Variants in KSR2 observed in about 807,000 individuals in gnomAD.
KSR2 encodes the protein kinase suppressor of ras 2.
KSR2 carries 25 observed loss-of-function variants against 107.8 expected under a neutral mutation model. The ratio of observed to expected loss-of-function variants is 0.23; its 90% confidence interval spans 0.17 to 0.32. KSR2 has a LOEUF of 0.32. KSR2 is among the 10% of genes least tolerant of loss of function. The probability of loss-of-function intolerance (pLI) is 1.00; values close to 1 mark genes in which losing one functional copy is unlikely to be tolerated. For synonymous variants in KSR2, 480 were observed against 507.0 expected (o/e 0.95, Z 0.71); for missense variants, 887 against 1,268.9 (o/e 0.70, Z 4.57).
chr12:117,618,983 G>A (rs1882025592), intron 5 of KSR2, among the ~76,000 whole-genome samples: 1 of 152,052 alleles, frequency 6.6e-6, no homozygotes, highest in Non-Finnish European at 1.5e-5. Context: ...TTGGTAGGAG[G>A]ATTGGTCTAC....
At chr12:117,562,677 G>A (rs1357761626) in intron 7 of KSR2, among the ~76,000 whole-genome samples, 1 of 152,088 alleles carries the variant, frequency 6.6e-6, no homozygotes, top group East Asian at 1.9e-4. Flanking sequence ...ACCTTGGCCT[G>A]TTTCCTGCTC....
At chr12:117,717,545 A>G (rs1887032389) in intron 4 of KSR2, among the ~76,000 whole-genome samples, 1 of 152,160 alleles carries the variant, frequency 6.6e-6, no homozygotes, top group Admixed American at 6.5e-5. Context: ...AATTAAAAAA[A>G]GAGGGCCCTA....
At chr12:117,758,151 G>T (rs1038977727) in intron 4 of KSR2, among the ~76,000 whole-genome samples, 1 of 152,100 alleles carries the variant, frequency 6.6e-6, no homozygotes. Flanking sequence ...GATTCAGAGA[G>T]GTTAAATCCA....
At chr12:117,678,584 C>T (rs1273461251) in intron 4 of KSR2, among the ~76,000 whole-genome samples, 3 of 152,186 alleles carry the variant, frequency 2.0e-5, no homozygotes, top group Non-Finnish European at 2.9e-5. Context: ...GTGTTACCTG[C>T]ATCAGTCCTC....
intron 3 of KSR2, among the ~76,000 whole-genome samples, chr12:117,767,095 A>G (rs112942162): frequency 0.09 from 13,580 of 150,566 alleles, 824 homozygotes; most frequent in African/African-American, 0.17. Context: ...CACTGCGCCC[A>G]GCCAAGCTAG....
At chr12:117,568,038 A>T (rs1266575658) in intron 7 of KSR2, among the ~76,000 whole-genome samples, 1 of 152,196 alleles carries the variant, frequency 6.6e-6, no homozygotes, top group African/African-American at 2.4e-5. Flanking sequence ...AAATGAGCAA[A>T]GGGCGGTAGG....
chr12:117,754,897 G>C (rs1888734763), intron 4 of KSR2, among the ~76,000 whole-genome samples: 1 of 152,216 alleles, frequency 6.6e-6, no homozygotes, highest in South Asian at 2.1e-4. Context: ...CAACAGTTTT[G>C]AAAGCTTTGG....
At chr12:117,734,301 G>A (rs1353503239) in intron 4 of KSR2, among the ~76,000 whole-genome samples, 2 of 138,044 alleles carry the variant, frequency 1.4e-5, no homozygotes, top group Non-Finnish European at 1.6e-5. Flanking sequence ...AAAAAAAAAA[G>A]AGAGAAACTA....
chr12:117,529,845 TA>T (rs1193873707), intron 12 of KSR2, among the ~76,000 whole-genome samples: 1 of 149,468 alleles, frequency 6.7e-6, no homozygotes, highest in Non-Finnish European at 1.5e-5. Flanking sequence ...TCTACAAAAA[TA>T]AAAAATTAAA....
chr12:117,606,358 TCCC>T (rs1444187800), intron 5 of KSR2, among the ~76,000 whole-genome samples: 3 of 61,364 alleles, frequency 4.9e-5, no homozygotes, highest in African/African-American at 1.2e-4. Context: ...CCTCCCTCCC[TCCC>T]CTCCTTCCTC....
At position 117,643,517 on chromosome 12, in the gene KSR2, C is replaced by T. The variant is rs1468903289; in HGVS notation, c.1171+23957G>A. Among the ~76,000 whole-genome samples the T allele has an allele frequency of 3.9e-5, 6 of 152,296 alleles. No homozygotes were observed. In the East Asian group the frequency reaches 9.6e-4, roughly 24 times the overall value. On this transcript the variant is annotated intron_variant, in intron 5 of 19. Coordinates refer to ENST00000339824, the MANE Select transcript of KSR2 (RefSeq NM_173598.6). ...TTATCATCATTTCATTTTTAAAAGA[C>T]ATTTAACACCAAAAAAGGATGCAGG... is the stretch of plus-strand genomic sequence containing the variant.
chr12:117,953,157 C>A (rs149607344), intron 1 of KSR2, among the ~76,000 whole-genome samples: 247 of 152,172 alleles, frequency 1.6e-3, no homozygotes, highest in Non-Finnish European at 3.1e-3. Flanking sequence ...TCACACCCAC[C>A]AGGATAGCTA....
At chr12:117,475,331 C>T (rs1344143797) in intron 17 of KSR2, among the ~76,000 whole-genome samples, 2 of 152,148 alleles carry the variant, frequency 1.3e-5, no homozygotes. Flanking sequence ...TATCTCACCA[C>T]CCCCAGCCTA....
chr12:117,854,830 C>A (rs756809773), intron 3 of KSR2, among the ~76,000 whole-genome samples: 4 of 151,638 alleles, frequency 2.6e-5, no homozygotes, highest in Non-Finnish European at 5.9e-5. Flanking sequence ...ATATATTTGG[C>A]CCCCAAACTG....
At chr12:117,721,817 T>C (rs886822958) in intron 4 of KSR2, among the ~76,000 whole-genome samples, 2 of 152,238 alleles carry the variant, frequency 1.3e-5, no homozygotes, top group Non-Finnish European at 2.9e-5. Context: ...TACCACCCTT[T>C]AAGCAGAGGG....
intron 4 of KSR2, among the ~76,000 whole-genome samples, chr12:117,731,195 C>T (rs1287626635): frequency 6.7e-6 from 1 of 149,638 alleles, no homozygotes; most frequent in Non-Finnish European, 1.5e-5. Context: ...CTCTGCCCGG[C>T]CGCCACCCCG....
intron 1 of KSR2, among the ~76,000 whole-genome samples, chr12:117,883,875 CAAAA>C (rs34939587): frequency 2.1e-5 from 2 of 93,852 alleles, no homozygotes. Flanking sequence ...GTCTCCATCT[CAAAA>C]AAAAAAAAAA....
chr12:117,775,567 C>G (rs1889657545), intron 3 of KSR2, among the ~76,000 whole-genome samples: 2 of 152,184 alleles, frequency 1.3e-5, no homozygotes, highest in Non-Finnish European at 2.9e-5. Flanking sequence ...AAGTGAAATT[C>G]AAAACCTGGC....
chr12:117,608,293 A>G (rs1881404057), intron 5 of KSR2, among the ~76,000 whole-genome samples: 1 of 152,246 alleles, frequency 6.6e-6, no homozygotes, highest in African/African-American at 2.4e-5. Flanking sequence ...CCAGAGAGGT[A>G]TCAGCCATAT....
Sources: gnomAD v4.1 joint callset for allele counts (sites outside exome capture counted in the v4.1 genomes callset) on GRCh38, gnomAD v4.1.1 for gene constraint, MANE v1.5 for transcripts, NCBI Gene and HGNC (gene_info 2026-07-23, HGNC 2026-07-21) for gene names.